PGCKA1: variants seen among roughly 807,000 people sequenced by gnomAD.
PGCKA1 encodes PDCD10 and GCKIII kinases-associated protein 1.
chr4:37,468,633 G>T, the PGCKA1 span, among the ~76,000 whole-genome samples: 1 of 152,072 alleles, frequency 6.6e-6, no homozygotes, highest in South Asian at 2.1e-4. Context: ...TGCAAATTTG[G>T]TGTGTTTGTT....
At chr4:37,560,768 C>A in the PGCKA1 span, among the ~76,000 whole-genome samples, 1 of 152,134 alleles carries the variant, frequency 6.6e-6, no homozygotes, top group Non-Finnish European at 1.5e-5. Context: ...TATATCTGTA[C>A]ATCTTTCTAA....
the PGCKA1 span, among the ~76,000 whole-genome samples, chr4:37,513,883 A>G: frequency 2.6e-5 from 4 of 152,236 alleles, no homozygotes; most frequent in Admixed American, 6.5e-5. Flanking sequence ...GCGATCATTC[A>G]GAGTTGAGAA....
the PGCKA1 span, among the ~76,000 whole-genome samples, chr4:37,521,604 C>T: frequency 1.3e-5 from 2 of 152,138 alleles, no homozygotes; most frequent in Non-Finnish European, 2.9e-5. Context: ...CATGACCTAA[C>T]GTATGGTCTA....
the PGCKA1 span, among the ~76,000 whole-genome samples, chr4:37,491,674 C>T: frequency 9.2e-5 from 14 of 152,258 alleles, no homozygotes; most frequent in South Asian, 2.9e-3. Context: ...TTTCCATCTA[C>T]TGGGCACTCA....
chr4:37,454,001 G>C, the PGCKA1 span: 1 of 159,604 alleles, frequency 6.3e-6, no homozygotes, highest in Non-Finnish European at 1.3e-5. Flanking sequence ...ATGGGCGCCG[G>C]GACCCCGCCG....
chr4:37,572,562 A>G, the PGCKA1 span, among the ~76,000 whole-genome samples: 13,025 of 152,198 alleles, frequency 0.086, 721 homozygotes, highest in Middle Eastern at 0.27. Flanking sequence ...TATATAAACC[A>G]TGGTCCTTTA....
the PGCKA1 span, among the ~76,000 whole-genome samples, chr4:37,527,124 A>G: frequency 6.6e-6 from 1 of 152,278 alleles, no homozygotes; most frequent in East Asian, 1.9e-4. Flanking sequence ...AAAAGGAAAA[A>G]GTATATATAA....
chr4:37,544,752 T>A, the PGCKA1 span, among the ~76,000 whole-genome samples: 4 of 152,122 alleles, frequency 2.6e-5, no homozygotes, highest in African/African-American at 9.6e-5. Flanking sequence ...TGGGGGTTGG[T>A]TTTTTGTTTG....
the PGCKA1 span, among the ~76,000 whole-genome samples, chr4:37,458,819 A>C: frequency 6.6e-6 from 1 of 152,224 alleles, no homozygotes; most frequent in Non-Finnish European, 1.5e-5. Context: ...AATGGCATGG[A>C]TTCAGGGAGG....
the PGCKA1 span, among the ~76,000 whole-genome samples, chr4:37,516,389 T>A: frequency 6.6e-6 from 1 of 152,258 alleles, no homozygotes; most frequent in Non-Finnish European, 1.5e-5. Flanking sequence ...GTGCAACCTA[T>A]GAGTAAAATA....
the PGCKA1 span, among the ~76,000 whole-genome samples, chr4:37,519,181 A>G: frequency 6.6e-6 from 1 of 152,098 alleles, no homozygotes; most frequent in East Asian, 1.9e-4. Context: ...CTGTAGTATA[A>G]CTTGAAGACA....
chr4:37,456,035 T>A, the PGCKA1 span, among the ~76,000 whole-genome samples: 1 of 152,248 alleles, frequency 6.6e-6, no homozygotes, highest in East Asian at 1.9e-4. Flanking sequence ...CTAGTACCTA[T>A]GTCCTGCTTT....
At chr4:37,549,728 C>T in the PGCKA1 span, among the ~76,000 whole-genome samples, 1 of 152,138 alleles carries the variant, frequency 6.6e-6, no homozygotes, top group East Asian at 1.9e-4. Context: ...AGGTGTTGGA[C>T]TCAGTTTATT....
the PGCKA1 span, among the ~76,000 whole-genome samples, chr4:37,572,257 G>A: frequency 5.3e-5 from 8 of 150,930 alleles, no homozygotes; most frequent in Non-Finnish European, 8.9e-5. Context: ...TAGTAGAGAT[G>A]GGGTTTCACC....
chr4:37,539,816 G>A, the PGCKA1 span, among the ~76,000 whole-genome samples: 850 of 152,248 alleles, frequency 5.6e-3, 12 homozygotes, highest in African/African-American at 0.019. Context: ...TATGAACATT[G>A]TGTATTTTCA....
At chr4:37,543,130 C>T in the PGCKA1 span, among the ~76,000 whole-genome samples, 41 of 152,260 alleles carry the variant, frequency 2.7e-4, no homozygotes, top group African/African-American at 9.1e-4. Context: ...AACGAAATCG[C>T]TCTTTTAAGT....
chr4:37,479,006 A>G, the PGCKA1 span, among the ~76,000 whole-genome samples: 1 of 152,208 alleles, frequency 6.6e-6, no homozygotes, highest in East Asian at 1.9e-4. Flanking sequence ...CTAATTACTT[A>G]GTCTTATGGC....
At chr4:37,504,260 G>C in the PGCKA1 span, among the ~76,000 whole-genome samples, 1 of 151,978 alleles carries the variant, frequency 6.6e-6, no homozygotes, top group Non-Finnish European at 1.5e-5. Flanking sequence ...TTTATTTCTG[G>C]GTTCTCTATT....
At chr4:37,465,605 A>T in the PGCKA1 span, among the ~76,000 whole-genome samples, 1 of 152,160 alleles carries the variant, frequency 6.6e-6, no homozygotes, top group African/African-American at 2.4e-5. Context: ...CTTGCAGACC[A>T]CATGCTAAAA....
Sources: gnomAD v4.1 joint callset for allele counts (sites outside exome capture counted in the v4.1 genomes callset) on GRCh38, gnomAD v4.1.1 for gene constraint, MANE v1.5 for transcripts, NCBI Gene and HGNC (gene_info 2026-07-23, HGNC 2026-07-21) for gene names.